Variants in SPRED2 observed in about 807,000 individuals in gnomAD.
The protein encoded by SPRED2 is sprouty-related, EVH1 domain-containing protein 2.
A neutral mutation model predicts 43.0 loss-of-function variants in SPRED2; 47 were observed. The ratio of observed to expected loss-of-function variants is 1.09; its 90% CI spans 0.87 to 1.40. SPRED2 has a LOEUF of 1.40. Among genes scored for constraint, SPRED2 ranks in the 40% most tolerant of loss-of-function variants. The pLI is 0.00. For synonymous variants in SPRED2, 225 were observed against 225.7 expected, an observed-to-expected ratio of 1.00 and a Z score of 0.03; for missense variants, 561 against 586.4, an observed-to-expected ratio of 0.96 and a Z score of 0.45.
At chr2:65,419,432 T>G (rs1676366350) in intron 1 of SPRED2, among the ~76,000 whole-genome samples, 1 of 152,212 alleles carries the variant, frequency 6.6e-6, no homozygotes, top group Non-Finnish European at 1.5e-5. Flanking sequence ...GCACCCTCTG[T>G]GTATTCATCC....
chr2:65,348,635 T>C (rs1175558258), intron 1 of SPRED2, among the ~76,000 whole-genome samples: 1 of 151,858 alleles, frequency 6.6e-6, no homozygotes, highest in African/African-American at 2.4e-5. Flanking sequence ...AAACCCCGTC[T>C]CCATTAAAAG....
intron 4 of SPRED2, among the ~76,000 whole-genome samples, chr2:65,317,607 T>A (rs1159205958): frequency 6.6e-6 from 1 of 151,658 alleles, no homozygotes; most frequent in Non-Finnish European, 1.5e-5. Flanking sequence ...GTGGCCCTGG[T>A]TGTGAGGTGT....
chr2:65,395,552 T>A (rs914302433), intron 1 of SPRED2, among the ~76,000 whole-genome samples: 17 of 152,156 alleles, frequency 1.1e-4, no homozygotes, highest in African/African-American at 3.6e-4. Context: ...TCCTGTAGTG[T>A]CTTGACTTAC....
At chr2:65,327,425 A>G (rs999744853) in intron 4 of SPRED2, among the ~76,000 whole-genome samples, 12 of 152,228 alleles carry the variant, frequency 7.9e-5, no homozygotes, top group Non-Finnish European at 1.2e-4. Flanking sequence ...TGAAACTGAG[A>G]GCATTCCAAA....
intron 2 of SPRED2, among the ~76,000 whole-genome samples, chr2:65,339,471 TTA>T (rs1277180751): frequency 6.6e-6 from 1 of 150,928 alleles, no homozygotes; most frequent in Admixed American, 6.6e-5. Context: ...CCACTCAGGG[TTA>T]AATGGATTAA....
At chr2:65,378,312 T>A (rs1675292796) in intron 1 of SPRED2, among the ~76,000 whole-genome samples, 2 of 152,238 alleles carry the variant, frequency 1.3e-5, no homozygotes, top group South Asian at 4.1e-4. Context: ...TTAATTTTCT[T>A]AGGTGTGATC....
At chr2:65,332,196 T>G in intron 3 of SPRED2, 145 bp from the exon 4 acceptor site, 1 of 520,470 alleles carries the variant, frequency 1.9e-6, no homozygotes, top group South Asian at 2.6e-5. Context: ...GGGAATTGAG[T>G]GCTTTTAATT....
At chr2:65,409,941 A>G (rs1375337829) in intron 1 of SPRED2, among the ~76,000 whole-genome samples, 2 of 150,836 alleles carry the variant, frequency 1.3e-5, no homozygotes, top group Admixed American at 6.6e-5. Flanking sequence ...GAGGCAGGAG[A>G]ATCGCTTGAA....
intron 1 of SPRED2, among the ~76,000 whole-genome samples, chr2:65,346,265 C>A (rs1181980784): frequency 3.3e-5 from 5 of 152,086 alleles, no homozygotes; most frequent in African/African-American, 4.8e-5. Flanking sequence ...CTCCCTTGGC[C>A]CCCCCAACCC....
chr2:65,346,115 C>T (rs1674342792), intron 1 of SPRED2, among the ~76,000 whole-genome samples: 1 of 152,190 alleles, frequency 6.6e-6, no homozygotes, highest in South Asian at 2.1e-4. Flanking sequence ...GCACTCAGAA[C>T]CTGGTCCCCA....
chr2:65,393,121 T>C (rs1461791669), intron 1 of SPRED2, among the ~76,000 whole-genome samples: 1 of 152,198 alleles, frequency 6.6e-6, no homozygotes, highest in Non-Finnish European at 1.5e-5. Flanking sequence ...TTATTTTAAA[T>C]AATCCTAAAT....
Position 65,334,696 on chromosome 2 carries a change from A to G in SPRED2, c.282T>C (p.Asp94=). Residue 94 remains aspartate, a synonymous_variant, in exon 3 of 6, where the codon GAT becomes GAC. Coordinates refer to ENST00000356388, the MANE Select transcript of SPRED2 (RefSeq NM_181784.3). ...GGAAAGTAAGTCCAAACTTCCTATT[A>G]TCGACCTTCCAGTGATGAAACGTTG... ...ANPTFHHWKV[D]NRKFGLTFQS... The G allele has an allele frequency of 1.2e-6, 2 of 1,614,236 alleles. No homozygotes were observed. Among genetic ancestry groups the G allele is most frequent in the South Asian group, 1.1e-5 (1 of 91,084 alleles).
At position 65,422,104 on chromosome 2, in the gene SPRED2, A is replaced by ACACACACACACACACTCT. The variant is rs1299857849; in HGVS notation, c.26+9857_26+9858insAGAGTGTGTGTGTGTGTG. Among the ~76,000 whole-genome samples, 119 of 129,014 alleles carry ACACACACACACACACTCT rather than the reference A, an allele frequency of 9.2e-4. 1 individual carries two copies. The highest frequency in any genetic ancestry group is 8.8e-3 in the Middle Eastern group (2 of 226). The allele number at this position is 129,014 out of a possible 152,430, so 84.6% of individuals were successfully genotyped here. ...CACACACACACACACACACACACAC[A>ACACACACACACACACTCT]CTCTCTCTCTCTCTCTCTCTCTCTC... On this transcript the variant is annotated intron_variant, in intron 1 of 5. Transcript: ENST00000356388.
intron 1 of SPRED2, among the ~76,000 whole-genome samples, chr2:65,381,852 G>T (rs937951378): frequency 6.6e-6 from 1 of 152,202 alleles, no homozygotes; most frequent in Admixed American, 6.5e-5. Flanking sequence ...ATTACTTGGG[G>T]GCTTTCAGAC....
chr2:65,331,297 G>A (rs1266699904), intron 4 of SPRED2, among the ~76,000 whole-genome samples: 4 of 152,122 alleles, frequency 2.6e-5, no homozygotes, highest in East Asian at 3.9e-4. Context: ...ATGCTGTCCC[G>A]CGTAACTTGC....
At chr2:65,356,886 T>A (rs945598193) in intron 1 of SPRED2, among the ~76,000 whole-genome samples, 1 of 151,890 alleles carries the variant, frequency 6.6e-6, no homozygotes, top group African/African-American at 2.4e-5. Flanking sequence ...CCCAGCTACT[T>A]GGGAGGCTGA....
At chr2:65,310,459 AC>A, downstream of SPRED2, among the ~76,000 whole-genome samples, 2 of 17,354 alleles carry the variant, frequency 1.2e-4, no homozygotes, top group Admixed American at 6.0e-4. Flanking sequence ...CCTCCAAACT[AC>A]ACACACACAC....
chr2:65,421,735 G>T (rs1027174264), intron 1 of SPRED2, among the ~76,000 whole-genome samples: 1 of 152,234 alleles, frequency 6.6e-6, no homozygotes, highest in Admixed American at 6.5e-5. Context: ...GAACAGGAAT[G>T]CAAGGAAGAA....
intron 1 of SPRED2, among the ~76,000 whole-genome samples, chr2:65,375,774 T>C (rs1675224055): frequency 6.6e-6 from 1 of 152,222 alleles, no homozygotes; most frequent in South Asian, 2.1e-4. Context: ...CGGTTCTTTG[T>C]TTCAAGTCTC....
Sources: gnomAD v4.1 joint callset for allele counts (sites outside exome capture counted in the v4.1 genomes callset) on GRCh38, gnomAD v4.1.1 for gene constraint, MANE v1.5 for transcripts, NCBI Gene and HGNC (gene_info 2026-07-23, HGNC 2026-07-21) for gene names.